The following UBA1 variants were observed in gnomAD, a reference collection of about 807,000 sequenced individuals.
The protein encoded by UBA1 is ubiquitin like modifier activating enzyme 1.
A neutral mutation model predicts 84.7 loss-of-function variants in UBA1; 4 were observed. That is an observed-to-expected ratio of 0.05 (90% CI 0.02 to 0.11). UBA1 has a LOEUF of 0.11. UBA1 is among the 10% of genes least tolerant of loss of function. The pLI, the probability that UBA1 is intolerant of heterozygous loss-of-function variation, is 1.00. For synonymous variants in UBA1, 364 were observed against 362.6 expected (o/e 1.00, Z -0.04); for missense variants, 513 against 902.8 (o/e 0.57, Z 5.53).
intron 20 of UBA1, among the ~76,000 whole-genome samples, chrX:47,211,848 C>A (rs1383963462): frequency 9.1e-6 from 1 of 109,727 alleles, no homozygotes; most frequent in East Asian, 2.9e-4. Context: ...AATGTCTACT[C>A]CTTCATGTTC....
rs1569217360 is a variant in UBA1 at position 47,212,468 on chromosome X, G to A, written c.2509G>A (p.Asp837Asn). 1 of 1,211,366 alleles carries A rather than the reference G, an allele frequency of 8.3e-7. No individual in the cohort carries two copies. The highest frequency in any genetic ancestry group is 1.1e-6 in the Non-Finnish European group (1 of 895,174). Residue 837 changes from aspartate to asparagine, a missense_variant, in exon 21 of 26, where the codon GAC (aspartate) becomes AAC (asparagine). By Grantham distance (23) the Asp-to-Asn change is conservative (BLOSUM62 1). Coordinates refer to ENST00000335972, the MANE Select transcript of UBA1 (RefSeq NM_003334.4). Reference sequence around the variant, plus strand: ...GCTCAAAGCCACTCTGCCCAGCCCAGACAAGCTCCCTGGATTCAAGATGTA... The same window carrying A: ...GCTCAAAGCCACTCTGCCCAGCCCAAACAAGCTCCCTGGATTCAAGATGTA... The part of the protein sequence containing the change: ...EELKATLPSP[D>N]KLPGFKMYPI...
chrX:47,203,643 A>G lies in UBA1; in HGVS notation c.1522A>G (p.Ile508Val). ...AATCATCGTTACAGACATGGACACC[A>G]TTGAGAAGTCAAATCTGAATCGACA... Reference protein sequence around the residue: ...GEIIVTDMDTIEKSNLNRQFL... With the variant: ...GEIIVTDMDTVEKSNLNRQFL... Residue 508 changes from isoleucine to valine, a missense_variant, in exon 14 of 26, where the codon ATT becomes GTT. This residue lies in a region of UBA1 where 55 missense variants were observed against 104.8 expected (regional missense o/e 0.52). Transcript: ENST00000335972. 1 of 1,210,881 alleles carries G rather than the reference A, an allele frequency of 8.3e-7. No homozygotes were observed. Among genetic ancestry groups the G allele is most frequent in the African/African-American group, 1.7e-5 (1 of 57,522 alleles).
upstream of UBA1, among the ~76,000 whole-genome samples, chrX:47,193,256 A>G (rs782441971): frequency 8.9e-6 from 1 of 111,905 alleles, no homozygotes; most frequent in African/African-American, 3.3e-5. Flanking sequence ...CTGCAGCAGC[A>G]TAATTCATTA....
rs782810802 is a variant in UBA1 at position 47,214,879 on chromosome X, G to A, written c.3127G>A (p.Glu1043Lys). The change falls in exon 26 of 26, where the codon GAG (glutamate) becomes AAG (lysine). Residue 1043 changes from glutamate (E) to lysine (K), a missense_variant. Transcript: ENST00000335972. ...ALVLELCCND[E>K]SGEDVEVPYV... Reference sequence around the variant, plus strand: ...GGTGCTTGAGCTGTGCTGTAACGACGAGAGCGGCGAGGATGTCGAGGTTCC... The same window carrying A: ...GGTGCTTGAGCTGTGCTGTAACGACAAGAGCGGCGAGGATGTCGAGGTTCC... 1.7e-5 allele frequency: 20 copies of A among 1,210,136 alleles called. No homozygotes were observed. The highest frequency in any genetic ancestry group is 3.0e-5 in the East Asian group (1 of 33,775).
intron 1 of UBA1, chrX:47,198,344 C>T (rs1556786213): frequency 1.1e-6 from 1 of 942,658 alleles, no homozygotes; most frequent in Non-Finnish European, 1.4e-6. Flanking sequence ...TCTCGATAAC[C>T]CCGTGGGGAA....
upstream of UBA1, among the ~76,000 whole-genome samples, chrX:47,191,898 A>C (rs1936070225): frequency 8.9e-6 from 1 of 111,770 alleles, no homozygotes; most frequent in Non-Finnish European, 1.9e-5. Flanking sequence ...GGCCTCCTAC[A>C]TTGTTCATTT....
chrX:47,201,137 C>T, intron 6 of UBA1, 137 bp downstream of exon 6: 1 of 788,186 alleles, frequency 1.3e-6, no homozygotes, highest in Admixed American at 2.6e-5. Context: ...CATCTCTCCC[C>T]ATGTGGCACA....
chrX:47,206,005 G>A lies in UBA1; in HGVS notation c.1633G>A (p.Val545Met). 8.3e-7 allele frequency: 1 copy of A among 1,205,480 alleles called. No homozygotes were observed. Among genetic ancestry groups the A allele is most frequent in the Non-Finnish European group, 1.1e-6 (1 of 892,274 alleles). Residue 545 changes from valine to methionine, a missense_variant, in exon 15 of 26, where the codon GTG becomes ATG. Physicochemically the swap from Val to Met is conservative, Grantham distance 21. Transcript: ENST00000335972. Reference protein sequence around the residue: ...AVRQMNPHIRVTSHQNRVGPD... With the variant: ...AVRQMNPHIRMTSHQNRVGPD... ...GCGCCAAATGAATCCACATATCCGG[G>A]TGACAAGCCACCAGAACCGTGTGGG...
intron 14 of UBA1, among the ~76,000 whole-genome samples, chrX:47,204,139 GTTTTTTTTTTTT>G (rs55829376): frequency 5.9e-5 from 1 of 16,861 alleles, no homozygotes; most frequent in African/African-American, 2.6e-4. Context: ...CTCAGCTTCT[GTTTTTTTTTTTT>G]TTTTTTTTTT....
At chrX:47,205,712 C>T (rs1186509863) in intron 14 of UBA1, 7 of 434,503 alleles carry the variant, frequency 1.6e-5, no homozygotes, top group Non-Finnish European at 2.8e-5. Context: ...AAATTAGCCA[C>T]GCATGGTGGC....
At chrX:47,200,755 G>T (rs782583707) in intron 5 of UBA1, 139 bp from the exon 6 acceptor site, 5 of 496,300 alleles carry the variant, frequency 1.0e-5, no homozygotes, top group South Asian at 8.5e-5. Context: ...TACACAGTAG[G>T]TGCTATGTGT....
chrX:47,208,287 G>GTT (rs1365292451), intron 16 of UBA1, among the ~76,000 whole-genome samples: 2 of 108,950 alleles, frequency 1.8e-5, no homozygotes, highest in Non-Finnish European at 3.8e-5. Flanking sequence ...GTGTGTGTGT[G>GTT]TGTGTAAGTG....
intron 5 of UBA1, 89 bp downstream of exon 5, chrX:47,199,703 G>A: frequency 9.1e-7 from 1 of 1,093,728 alleles, no homozygotes; most frequent in Non-Finnish European, 1.3e-6. Flanking sequence ...TGATTTAATG[G>A]GTCGGCCTGA....
rs781967614 is a variant in UBA1 at position 47,201,498 on chromosome X, C to T, written c.699C>T (p.Thr233=). Residue 233 remains threonine, a synonymous_variant, in exon 8 of 26, where the codon ACC becomes ACT. Transcript: ENST00000335972. ...ACCAGGACAACCCCGGTGTGGTTAC[C>T]TGCCTGGATGAGGCCCGACACGGGT... is the stretch of plus-strand genomic sequence containing the variant. ...MVTKDNPGVV[T]CLDEARHGFE... The T allele has an allele frequency of 3.3e-6, 4 of 1,212,142 alleles. No individual in the cohort carries two copies. Among genetic ancestry groups the T allele is most frequent in the South Asian group, 1.8e-5 (1 of 57,018 alleles).
In UBA1 at chrX:47,199,476, A is replaced by G. The variant is rs781988280; in HGVS notation, c.346-4A>G. The G allele has an allele frequency of 8.3e-7, 1 of 1,210,858 alleles. No individual in the cohort carries two copies. The highest frequency in any genetic ancestry group is 1.1e-6 in the Non-Finnish European group (1 of 895,261). On this transcript the variant is annotated splice_polypyrimidine_tract_variant and splice_region_variant and intron_variant, in intron 4 of 25. Coordinates refer to ENST00000335972, the MANE Select transcript of UBA1 (RefSeq NM_003334.4). ...ATCTTTTTCCCTACTGCACACCCTT[A>G]CAGTTCTACCTGCGGGAGGAGGACA...
chrX:47,198,797 C>T lies in UBA1; in HGVS notation c.1-6C>T. 3 of 1,210,658 alleles carry T rather than the reference C, an allele frequency of 2.5e-6. No individual in the cohort carries two copies. The highest frequency in any genetic ancestry group is 3.4e-6 in the Non-Finnish European group (3 of 894,861). On this transcript the variant is annotated splice_polypyrimidine_tract_variant and splice_region_variant and intron_variant, in intron 1 of 25. Transcript: ENST00000335972. ...CAGGGTCACCTCTGACCTTTTTTTC[C>T]TCCAGATGTCCAGCTCGCCGCTGTC... is the stretch of plus-strand genomic sequence containing the variant.
Position 47,208,999 on chromosome X carries a change from G to A in UBA1, c.1939-624G>A, listed in dbSNP as rs782526207. The stretch of plus-strand genomic sequence containing the variant: ...CCAGCTATTCGGGAGGCTGAGGTGG[G>A]AGGATCGTTTCAACCTGGGAGGTCA... On this transcript the variant is annotated intron_variant, in intron 16 of 25. Transcript: ENST00000335972. 28 of 114,878 alleles carry A rather than the reference G, an allele frequency of 2.4e-4. 1 individual carries two copies. The highest frequency in any genetic ancestry group is 6.9e-4 in the South Asian group (2 of 2,908). 9.5% of individuals were successfully genotyped at this position (114,878 alleles called of 1,213,427 possible). A position where few individuals can be genotyped will look rare whatever the true frequency, so the allele number is the denominator to read the frequency against.
At chrX:47,212,116 C>T (rs1199427283) in intron 20 of UBA1, among the ~76,000 whole-genome samples, 1 of 107,215 alleles carries the variant, frequency 9.3e-6, no homozygotes, top group Non-Finnish European at 1.9e-5. Flanking sequence ...CTACATCATT[C>T]TTCCCAAGAT....
intron 4 of UBA1, 33 bp downstream of exon 4, chrX:47,199,410 C>G (rs1556786759): frequency 1.7e-6 from 2 of 1,212,027 alleles, no homozygotes; most frequent in South Asian, 3.5e-5. Flanking sequence ...CCCCTTTCCC[C>G]CTTCCCGAGG....
Sources: gnomAD v4.1 joint callset for allele counts (sites outside exome capture counted in the v4.1 genomes callset) on GRCh38, gnomAD v4.1.1 for gene constraint, gnomAD v4.1.1 regional missense constraint, MANE v1.5 for transcripts, NCBI Gene and HGNC (gene_info 2026-07-23, HGNC 2026-07-21) for gene names.